BMPR1B: variants seen among roughly 807,000 people sequenced by gnomAD.
BMPR1B encodes bone morphogenetic protein receptor type 1B.
Under a neutral mutation model 59.1 loss-of-function variants are expected in BMPR1B, and 12 were observed. The ratio of observed to expected loss-of-function variants is 0.20; its 90% confidence interval spans 0.13 to 0.33. The LOEUF is 0.33. Among genes scored for constraint, BMPR1B ranks in the 10% least tolerant of loss-of-function variants. The pLI is 1.00. For missense variants in BMPR1B, 550 were observed against 610.9 expected (o/e 0.90, Z 1.05); for synonymous variants, 237 against 207.3 (o/e 1.14, Z -1.23).
intron 1 of BMPR1B, among the ~76,000 whole-genome samples, chr4:94,773,080 A>G (rs1166380079): frequency 6.6e-6 from 1 of 152,114 alleles, no homozygotes; most frequent in Non-Finnish European, 1.5e-5. Flanking sequence ...ATATGTTTCA[A>G]TACATTTATT....
Position 95,007,238 on chromosome 4 carries a change from G to T in BMPR1B, c.-18+11104G>T, listed in dbSNP as rs114196544. 7.6e-3 allele frequency among the ~76,000 whole-genome samples: 1,153 copies of T among 152,184 alleles called. 4 individuals carry two copies. The highest frequency in any genetic ancestry group is 0.012 in the Non-Finnish European group (804 of 68,004). Reference sequence around the variant, plus strand: ...CAGATTTTCAAGCTTTCTAATTTCAGTTAACCTCTAATAGACTTTTTCATT... The same window carrying T: ...CAGATTTTCAAGCTTTCTAATTTCATTTAACCTCTAATAGACTTTTTCATT... On this transcript the variant is annotated intron_variant, in intron 3 of 12. Transcript: ENST00000515059.
intron 3 of BMPR1B, among the ~76,000 whole-genome samples, chr4:95,026,191 C>T (rs1240933931): frequency 3.0e-5 from 3 of 98,784 alleles, no homozygotes; most frequent in Non-Finnish European, 2.1e-5. Flanking sequence ...GATCGAAGAA[C>T]ATAAATATTA....
At chr4:95,095,648 AGATT>A (rs1283481814) in intron 3 of BMPR1B, among the ~76,000 whole-genome samples, 2 of 152,146 alleles carry the variant, frequency 1.3e-5, no homozygotes, top group Non-Finnish European at 2.9e-5. Flanking sequence ...AAAGGAAGAT[AGATT>A]ATTAGTAGAC....
At chr4:94,851,117 T>C (rs1481432835) in intron 1 of BMPR1B, among the ~76,000 whole-genome samples, 3 of 152,194 alleles carry the variant, frequency 2.0e-5, no homozygotes, top group African/African-American at 7.2e-5. Flanking sequence ...AAAATGCTTA[T>C]AAGAATTATT....
rs1251637353 is a variant in BMPR1B, at chr4:94,833,191, TC to T, written c.-182-42639del. ...GGATGAGAGAGGCAGAGACTCTTTC[TC>T]AAAAAAAAAAAAAAAAAAATGCAGG... On this transcript the variant is annotated intron_variant, in intron 1 of 12. Coordinates refer to ENST00000515059, the MANE Select transcript of BMPR1B (RefSeq NM_001203.3). 4.5e-3 allele frequency among the ~76,000 whole-genome samples: 302 copies of T among 66,940 alleles called. 3 individuals carry two copies. The highest frequency in any genetic ancestry group is 0.042 in the East Asian group (121 of 2,906). 43.9% of individuals were successfully genotyped at this position (66,940 alleles called of 152,430 possible).
intron 10 of BMPR1B, among the ~76,000 whole-genome samples, chr4:95,146,183 G>C (rs1734630216): frequency 6.6e-6 from 1 of 152,116 alleles, no homozygotes; most frequent in Admixed American, 6.5e-5. Context: ...GCTACTACTA[G>C]GGCAAACGTC....
intron 7 of BMPR1B, 63 bp from the exon 8 acceptor site, chr4:95,124,920 G>A (rs1325553543): frequency 6.8e-7 from 1 of 1,476,516 alleles, no homozygotes; most frequent in East Asian, 2.3e-5. Flanking sequence ...CATTTTAGTT[G>A]CAATATTTTA....
rs1311981578 is a variant in BMPR1B, at chr4:95,157,031, AC to A, written c.*2359del. The stretch of plus-strand genomic sequence containing the variant: ...TTTGGTAAATACTTGAACGTGGATA[AC>A]GTCAAATCAGAATATTTTGTGAGGA... On this transcript the variant is annotated 3_prime_UTR_variant, in exon 13 of 13. Coordinates refer to ENST00000515059, the MANE Select transcript of BMPR1B (RefSeq NM_001203.3). 7.2e-5 allele frequency: 11 copies of A among 152,180 alleles called. No homozygotes were observed. Among genetic ancestry groups the A allele is most frequent in the African/African-American group, 2.4e-4 (10 of 41,460 alleles). 9.4% of individuals were successfully genotyped at this position (152,180 alleles called of 1,614,324 possible).
chr4:94,888,870 A>G (rs1727283492), intron 2 of BMPR1B, among the ~76,000 whole-genome samples: 1 of 152,106 alleles, frequency 6.6e-6, no homozygotes, highest in Non-Finnish European at 1.5e-5. Flanking sequence ...ATATATCATA[A>G]TGATATATCT....
At chr4:95,026,796 C>G (rs898273847) in intron 3 of BMPR1B, among the ~76,000 whole-genome samples, 4 of 148,314 alleles carry the variant, frequency 2.7e-5, no homozygotes, top group African/African-American at 9.9e-5. Flanking sequence ...TAGTGTCTCA[C>G]TCTTATCCAG....
chr4:94,768,404 A>G (rs943782650), intron 1 of BMPR1B, among the ~76,000 whole-genome samples: 1 of 152,110 alleles, frequency 6.6e-6, no homozygotes, highest in African/African-American at 2.4e-5. Flanking sequence ...TATTTACCAC[A>G]ATCCGACTAT....
intron 2 of BMPR1B, among the ~76,000 whole-genome samples, chr4:94,901,592 A>C (rs1207758592): frequency 6.6e-6 from 1 of 151,980 alleles, no homozygotes; most frequent in South Asian, 2.1e-4. Context: ...AAATTGACTT[A>C]ATCAGTTCAA....
chr4:94,879,108 G>A (rs765382702), intron 2 of BMPR1B, among the ~76,000 whole-genome samples: 5 of 151,960 alleles, frequency 3.3e-5, no homozygotes, highest in African/African-American at 4.8e-5. Flanking sequence ...CCATTAACTC[G>A]TCATTTAGCA....
chr4:95,104,886 A>G (rs1444100253), intron 4 of BMPR1B, among the ~76,000 whole-genome samples: 1 of 151,192 alleles, frequency 6.6e-6, no homozygotes, highest in Non-Finnish European at 1.5e-5. Flanking sequence ...GTTAAACATC[A>G]GAGGCTGTCA....
intron 1 of BMPR1B, among the ~76,000 whole-genome samples, chr4:94,815,529 G>A (rs1325991163): frequency 6.6e-6 from 1 of 152,048 alleles, no homozygotes; most frequent in Non-Finnish European, 1.5e-5. Context: ...TGCCACATAC[G>A]TTCTTATTAG....
intron 3 of BMPR1B, among the ~76,000 whole-genome samples, chr4:95,019,361 C>A (rs1723808187): frequency 6.6e-6 from 1 of 152,024 alleles, no homozygotes; most frequent in South Asian, 2.1e-4. Context: ...AGAGGCTAGG[C>A]AGGAAGTCAA....
At chr4:95,020,405 C>T (rs534562383) in intron 3 of BMPR1B, among the ~76,000 whole-genome samples, 15 of 152,168 alleles carry the variant, frequency 9.9e-5, no homozygotes, top group African/African-American at 3.4e-4. Context: ...TGGTGAAAGC[C>T]GGTCTCTACT....
intron 3 of BMPR1B, 103 bp from the exon 4 acceptor site, chr4:95,104,305 C>G (rs774737533): frequency 3.6e-5 from 48 of 1,326,784 alleles, no homozygotes; most frequent in Non-Finnish European, 4.4e-5. Context: ...CTTTAAGTAT[C>G]TTGAATACTT....
chr4:94,879,111 A>T (rs1259804544), intron 2 of BMPR1B, among the ~76,000 whole-genome samples: 1 of 152,088 alleles, frequency 6.6e-6, no homozygotes, highest in African/African-American at 2.4e-5. Context: ...TTAACTCGTC[A>T]TTTAGCATTA....
Sources: gnomAD v4.1 joint callset for allele counts (sites outside exome capture counted in the v4.1 genomes callset) on GRCh38, gnomAD v4.1.1 for gene constraint, MANE v1.5 for transcripts, NCBI Gene and HGNC (gene_info 2026-07-23, HGNC 2026-07-21) for gene names.